Variants in CSMD1 observed in about 807,000 individuals in gnomAD.
CSMD1 encodes the protein CUB and sushi domain-containing protein 1.
CSMD1 carries 213 observed loss-of-function variants against 417.5 expected under a neutral mutation model. The ratio of observed to expected loss-of-function variants is 0.51; its 90% CI spans 0.46 to 0.57. The LOEUF (loss-of-function observed/expected upper bound fraction) is 0.57. CSMD1 is among the 20% of genes least tolerant of loss of function. The pLI is 0.00. For missense variants in CSMD1, 6,923 were observed against 4,529.7 expected (o/e 1.53, Z -15.17); for synonymous variants, 2,862 against 1,736.8 (o/e 1.65, Z -16.11).
At chr8:3,926,253 T>C (rs1331084889) in intron 5 of CSMD1, among the ~76,000 whole-genome samples, 1 of 152,168 alleles carries the variant, frequency 6.6e-6, no homozygotes, top group Non-Finnish European at 1.5e-5. Flanking sequence ...AATGGTAAAA[T>C]CACAATCCAT....
At chr8:3,293,608 G>C (rs539439669) in intron 25 of CSMD1, among the ~76,000 whole-genome samples, 7 of 152,238 alleles carry the variant, frequency 4.6e-5, no homozygotes, top group Admixed American at 1.3e-4. Flanking sequence ...TTGTCTTCCT[G>C]TTGATTGTAT....
intron 3 of CSMD1, among the ~76,000 whole-genome samples, chr8:4,176,204 G>C (rs1229316553): frequency 6.6e-6 from 1 of 152,010 alleles, no homozygotes; most frequent in Non-Finnish European, 1.5e-5. Flanking sequence ...CACCCTGTTG[G>C]ATGTGGCTCT....
At chr8:3,669,250 T>C (rs1031776127) in intron 7 of CSMD1, among the ~76,000 whole-genome samples, 5 of 152,210 alleles carry the variant, frequency 3.3e-5, no homozygotes, top group African/African-American at 1.2e-4. Flanking sequence ...TGCATCAATC[T>C]GAGTGAAAAT....
intron 37 of CSMD1, among the ~76,000 whole-genome samples, chr8:3,174,421 A>T (rs2129044973): frequency 6.6e-6 from 1 of 152,258 alleles, no homozygotes; most frequent in Admixed American, 6.5e-5. Context: ...CTTGAACCCA[A>T]GAGGTTGAGA....
At chr8:3,063,915 A>G (rs750782080) in intron 49 of CSMD1, among the ~76,000 whole-genome samples, 7 of 152,302 alleles carry the variant, frequency 4.6e-5, no homozygotes, top group African/African-American at 1.4e-4. Flanking sequence ...TGATTATACA[A>G]CCTTGTTAAT....
intron 37 of CSMD1, among the ~76,000 whole-genome samples, chr8:3,179,098 A>T (rs981277163): frequency 6.6e-6 from 1 of 151,288 alleles, no homozygotes; most frequent in Non-Finnish European, 1.5e-5. Flanking sequence ...CAGGCCCGCC[A>T]CCACGCCTGG....
intron 5 of CSMD1, among the ~76,000 whole-genome samples, chr8:3,841,971 G>A (rs1016490404): frequency 6.6e-6 from 1 of 152,124 alleles, no homozygotes; most frequent in Non-Finnish European, 1.5e-5. Flanking sequence ...TCCAAAAGCA[G>A]TTTTTTTCCA....
chr8:4,239,510 C>T (rs1013676705), intron 3 of CSMD1, among the ~76,000 whole-genome samples: 3 of 152,164 alleles, frequency 2.0e-5, no homozygotes, highest in African/African-American at 7.2e-5. Flanking sequence ...CAGTCTGGTC[C>T]TCAGAGCTGG....
chr8:4,348,776 T>A (rs1215925576), intron 3 of CSMD1, among the ~76,000 whole-genome samples: 3 of 152,208 alleles, frequency 2.0e-5, no homozygotes, highest in South Asian at 4.1e-4. Context: ...ACTACGAATG[T>A]GACTTTCTTT....
At position 4,772,319 on chromosome 8, in the gene CSMD1, G is replaced by T. The variant is rs113041143; in HGVS notation, c.86-134761C>A. ...AATCTCTCCTTCACGTCATCTTTACGCATCTTCTATCCTTGCTTTTTTTCT... is the reference window on the plus strand; with the variant it reads ...AATCTCTCCTTCACGTCATCTTTACTCATCTTCTATCCTTGCTTTTTTTCT... On this transcript the variant is annotated intron_variant, in intron 1 of 69. Transcript: ENST00000635120. Among the ~76,000 whole-genome samples, 620 of 152,214 alleles carry T rather than the reference G, an allele frequency of 4.1e-3. 4 individuals are homozygous for T. The highest frequency in any genetic ancestry group is 7.9e-3 in the South Asian group (38 of 4,822).
intron 3 of CSMD1, among the ~76,000 whole-genome samples, chr8:4,378,443 A>G (rs1397525809): frequency 6.6e-6 from 1 of 152,150 alleles, no homozygotes; most frequent in Non-Finnish European, 1.5e-5. Context: ...AAATCTCAAA[A>G]ATTATTCTCT....
chr8:3,272,370 C>T (rs113561932), intron 26 of CSMD1, among the ~76,000 whole-genome samples: 105 of 150,432 alleles, frequency 7.0e-4, no homozygotes, highest in African/African-American at 2.3e-3. Flanking sequence ...AGTCTGATGC[C>T]TCCAGCTTTG....
intron 3 of CSMD1, among the ~76,000 whole-genome samples, chr8:4,149,412 T>G (rs1796449636): frequency 6.6e-6 from 1 of 152,230 alleles, no homozygotes; most frequent in East Asian, 1.9e-4. Flanking sequence ...GCCATAGCTC[T>G]GAGCAATATT....
chr8:4,961,168 T>C (rs1809456765), intron 1 of CSMD1, among the ~76,000 whole-genome samples: 1 of 152,222 alleles, frequency 6.6e-6, no homozygotes, highest in African/African-American at 2.4e-5. Flanking sequence ...TGTTTTCCTG[T>C]AATTGATACA....
chr8:3,534,799 C>G (rs968690661), intron 10 of CSMD1, among the ~76,000 whole-genome samples: 6 of 152,218 alleles, frequency 3.9e-5, no homozygotes, highest in African/African-American at 1.4e-4. Flanking sequence ...TTACAAATTT[C>G]TCACACAACA....
chr8:4,291,689 C>T (rs1220941383), intron 3 of CSMD1, among the ~76,000 whole-genome samples: 2 of 152,076 alleles, frequency 1.3e-5, no homozygotes, highest in African/African-American at 4.8e-5. Context: ...ATTCTTTATT[C>T]AACGGGTGGT....
At chr8:4,901,590 C>T (rs546242867) in intron 1 of CSMD1, among the ~76,000 whole-genome samples, 28 of 152,150 alleles carry the variant, frequency 1.8e-4, no homozygotes, top group South Asian at 6.3e-4. Flanking sequence ...TTTACGTTTC[C>T]GGACACTTCT....
intron 3 of CSMD1, among the ~76,000 whole-genome samples, chr8:4,086,489 T>C (rs1040586115): frequency 2.0e-5 from 3 of 152,222 alleles, no homozygotes; most frequent in Non-Finnish European, 4.4e-5. Flanking sequence ...TGTACATTCA[T>C]GGAATTCTAA....
At chr8:2,976,607 C>T (rs1293385515) in intron 55 of CSMD1, among the ~76,000 whole-genome samples, 2 of 152,280 alleles carry the variant, frequency 1.3e-5, no homozygotes, top group African/African-American at 4.8e-5. Flanking sequence ...CCCTGGCCTC[C>T]CAAAATGCTG....
Sources: allele counts gnomAD v4.1 joint callset (sites outside exome capture counted in the v4.1 genomes callset), GRCh38; gene constraint gnomAD v4.1.1; transcripts MANE v1.5; gene names NCBI Gene and HGNC (gene_info 2026-07-23, HGNC 2026-07-21).